Variants in MAB21L4 observed in about 807,000 individuals in gnomAD.
The protein encoded by MAB21L4 is mab-21 like 4, also known as protein mab-21-like 4.
Under a neutral mutation model 32.4 loss-of-function variants are expected in MAB21L4, and 25 were observed. The ratio of observed to expected loss-of-function variants is 0.77; its 90% CI spans 0.56 to 1.08. The LOEUF is 1.08. Ranked by LOEUF, MAB21L4 falls within the 50% of genes least tolerant of loss-of-function variation. The pLI is 0.00. For missense variants in MAB21L4, 638 were observed against 611.0 expected, an observed-to-expected ratio of 1.04 and a Z score of -0.47; for synonymous variants, 280 against 276.8, an observed-to-expected ratio of 1.01 and a Z score of -0.11.
intron 1 of MAB21L4, among the ~76,000 whole-genome samples, chr2:240,892,211 G>C (rs973584587): frequency 6.6e-6 from 1 of 152,262 alleles, no homozygotes; most frequent in East Asian, 1.9e-4. Flanking sequence ...CGATGGCCCT[G>C]GCATCTCTGC....
intron 3 of MAB21L4, among the ~76,000 whole-genome samples, chr2:240,888,911 C>T (rs2059121062): frequency 6.6e-6 from 1 of 151,976 alleles, no homozygotes; most frequent in Non-Finnish European, 1.5e-5. Context: ...CCCAGCTCCT[C>T]CTTTCACCCC....
At chr2:240,894,790 TCA>T (rs1301652498) in intron 1 of MAB21L4, among the ~76,000 whole-genome samples, 1 of 104,622 alleles carries the variant, frequency 9.6e-6, no homozygotes, top group Non-Finnish European at 2.0e-5. Flanking sequence ...AGAGTGAGAC[TCA>T]GTCTCACAAA....
chr2:240,887,445 C>A (rs2059105604), intron 4 of MAB21L4, among the ~76,000 whole-genome samples: 1 of 152,250 alleles, frequency 6.6e-6, no homozygotes, highest in Non-Finnish European at 1.5e-5. Flanking sequence ...ACCACCCCAC[C>A]CTCACCGCAC....
At chr2:240,895,459 C>T (rs755728739) in intron 1 of MAB21L4, 25 bp downstream of exon 1, 10 of 1,502,262 alleles carry the variant, frequency 6.7e-6, no homozygotes, top group African/African-American at 1.4e-5. Flanking sequence ...CGCAGATACG[C>T]GTGCAGAGTG....
At chr2:240,891,842 A>C in intron 1 of MAB21L4, 79 bp from the exon 2 acceptor site, 1 of 1,594,650 alleles carries the variant, frequency 6.3e-7, no homozygotes, top group Non-Finnish European at 8.5e-7. Context: ...TCCTGCTGCC[A>C]ACTTGGCCCC....
upstream of MAB21L4, chr2:240,896,262 G>T (rs2059187053): frequency 1.1e-6 from 1 of 908,054 alleles, no homozygotes. Context: ...GCGGGGGCTG[G>T]GTTTGGTTAC....
intron 3 of MAB21L4, among the ~76,000 whole-genome samples, chr2:240,888,949 G>T (rs548427795): frequency 1.8e-4 from 27 of 151,980 alleles, no homozygotes; most frequent in East Asian, 1.9e-4. Context: ...GGCCTCTGCA[G>T]CTCCCAGCAT....
Position 240,888,580 on chromosome 2 carries a change from C to A in MAB21L4, c.963G>T (p.Val321=). The change falls in exon 4 of 5, where the codon GTG becomes GTT. Residue 321 remains valine (V), a synonymous_variant. Coordinates refer to ENST00000388934, the MANE Select transcript of MAB21L4 (RefSeq NM_001085437.3). ...AGAGCAGCACCACCAGCAGGCGGTA[C>A]ACGGCGCCCTGCAGTTCTGCCCAGT... The part of the protein sequence containing the change: ...PEDWAELQGA[V]YRLLVVLLCC... 1.2e-6 allele frequency: 2 copies of A among 1,607,806 alleles called. No homozygotes were observed. The highest frequency in any genetic ancestry group is 8.5e-7 in the Non-Finnish European group (1 of 1,178,348).
intron 1 of MAB21L4, among the ~76,000 whole-genome samples, chr2:240,893,068 C>T (rs2059163927): frequency 6.6e-6 from 1 of 152,230 alleles, no homozygotes; most frequent in South Asian, 2.1e-4. Context: ...GAGAGGCCGC[C>T]CCTCCCCTCC....
Position 240,896,004 on chromosome 2 carries a change from A to G in MAB21L4, c.-7T>C, listed in dbSNP as rs13426919. 0.39 allele frequency: 559,781 copies of G among 1,439,252 alleles called. 110,432 individuals carry two copies. The highest frequency in any genetic ancestry group is 0.46 in the African/African-American group (31,903 of 69,924). 89.2% of individuals were successfully genotyped at this position (1,439,252 alleles called of 1,614,324 possible). A position where few individuals can be genotyped will look rare whatever the true frequency, so the allele number is the denominator to read the frequency against. On this transcript the variant is annotated 5_prime_UTR_variant, in exon 1 of 5. Transcript: ENST00000388934. ...GGAGAGCAGGGGCAGGCATCCCTTC[A>G]ACAGTGGCAGGTGAGGGCCAGTGGC...
Position 240,890,110 on chromosome 2 carries a change from G to A in MAB21L4, c.789C>T (p.Ser263=), listed in dbSNP as rs927732310. The A allele has an allele frequency of 6.2e-7, 1 of 1,612,182 alleles. No individual in the cohort carries two copies. Among genetic ancestry groups the A allele is most frequent in the Non-Finnish European group, 8.5e-7 (1 of 1,179,002 alleles). Residue 263 remains serine (S), a synonymous_variant, in exon 3 of 5, where the codon TCC becomes TCT. Transcript: ENST00000388934. The part of the protein sequence containing the change: ...LLTRLLGELG[S]LQGHRLDSLS... Reference sequence around the variant, plus strand: ...GGCTGTCCAGGCGATGACCCTGCAGGGAGCCCAGCTCCCCCAGCAGCCTCG... The same window carrying A: ...GGCTGTCCAGGCGATGACCCTGCAGAGAGCCCAGCTCCCCCAGCAGCCTCG...
At position 240,896,082 on chromosome 2, in the gene MAB21L4, C is replaced by A; in HGVS notation, c.-85G>T. The A allele has an allele frequency of 7.2e-7, 1 of 1,382,028 alleles. No individual in the cohort carries two copies. Among genetic ancestry groups the A allele is most frequent in the Non-Finnish European group, 9.3e-7 (1 of 1,075,946 alleles). 85.6% of individuals were successfully genotyped at this position (1,382,028 alleles called of 1,614,324 possible). A position where few individuals can be genotyped will look rare whatever the true frequency, so the allele number is the denominator to read the frequency against. ...GTGCAGATGGGCTGTGAGGAGGCAC[C>A]TGCCCAGGTGAGCAGCAGGTCTGCA... On this transcript the variant is annotated 5_prime_UTR_variant, in exon 1 of 5. The change creates a new upstream start codon in the 5' untranslated region. Transcript: ENST00000388934.
At chr2:240,891,270 T>C (rs1341194055) in intron 2 of MAB21L4, among the ~76,000 whole-genome samples, 1 of 152,172 alleles carries the variant, frequency 6.6e-6, no homozygotes, top group Non-Finnish European at 1.5e-5. Flanking sequence ...TAGTGAAAGG[T>C]CTGGTCTAGG....
At chr2:240,887,372 C>T (rs931310271) in intron 4 of MAB21L4, among the ~76,000 whole-genome samples, 5 of 152,374 alleles carry the variant, frequency 3.3e-5, no homozygotes, top group Non-Finnish European at 1.5e-5. Flanking sequence ...CACGGCGTCC[C>T]TGGCATGGGC....
In MAB21L4 at chr2:240,895,777, G is replaced by A; in HGVS notation, c.221C>T (p.Ser74Phe). Reference sequence around the variant, plus strand: ...CTCCATGTCCATTGGGTCCTCAGAGGAGCGCAGGGCGAACTGGAAGGCCTC... The same window carrying A: ...CTCCATGTCCATTGGGTCCTCAGAGAAGCGCAGGGCGAACTGGAAGGCCTC... ...GLEAFQFALR[S>F]SEDPMDMEVP... is the part of the protein sequence containing the mutation. The change falls in exon 1 of 5, where the codon TCC (serine) becomes TTC (phenylalanine). Residue 74 changes from serine to phenylalanine, a missense_variant. Transcript: ENST00000388934. 1 of 1,611,206 alleles carries A rather than the reference G, an allele frequency of 6.2e-7. No individual in the cohort carries two copies. Among genetic ancestry groups the A allele is most frequent in the Non-Finnish European group, 8.5e-7 (1 of 1,178,820 alleles).
At chr2:240,895,353 A>C in intron 1 of MAB21L4, 131 bp downstream of exon 1, 1 of 858,384 alleles carries the variant, frequency 1.2e-6, no homozygotes, top group East Asian at 2.7e-5. Flanking sequence ...CACACACAGA[A>C]GACAGTCGCC....
chr2:240,887,961 C>A (rs947179129), intron 4 of MAB21L4, among the ~76,000 whole-genome samples: 3 of 152,184 alleles, frequency 2.0e-5, no homozygotes, highest in Non-Finnish European at 4.4e-5. Context: ...AGGAATGGAA[C>A]TCCAGGGTGG....
intron 1 of MAB21L4, among the ~76,000 whole-genome samples, chr2:240,893,093 C>A (rs1219053656): frequency 6.6e-6 from 1 of 152,224 alleles, no homozygotes; most frequent in Non-Finnish European, 1.5e-5. Flanking sequence ...TACTGTCCAG[C>A]CAGGGTGCCC....
At chr2:240,889,766 GC>G (rs2059127631) in intron 3 of MAB21L4, among the ~76,000 whole-genome samples, 1 of 152,234 alleles carries the variant, frequency 6.6e-6, no homozygotes, top group Admixed American at 6.5e-5. Context: ...CGAGGTCACG[GC>G]CTAGGGATGG....
Sources: allele counts gnomAD v4.1 joint callset (sites outside exome capture counted in the v4.1 genomes callset), GRCh38; gene constraint gnomAD v4.1.1; transcripts MANE v1.5; gene names NCBI Gene and HGNC (gene_info 2026-07-23, HGNC 2026-07-21).